STK31: variants seen among roughly 807,000 people sequenced by gnomAD.
The protein encoded by STK31 is serine/threonine-protein kinase 31.
Under a neutral mutation model 129.7 loss-of-function variants are expected in STK31, and 89 were observed. The observed-to-expected ratio is 0.69, with a 90% confidence interval of 0.58 to 0.82. The LOEUF (loss-of-function observed/expected upper bound fraction) is 0.82, where lower values mean the gene tolerates loss of function less well. STK31 is among the 40% of genes least tolerant of loss of function. The pLI is 0.00. For synonymous variants in STK31, 448 were observed against 395.3 expected (o/e 1.13, Z -1.58); for missense variants, 1,187 against 1,176.4 (o/e 1.01, Z -0.13).
chr7:23,789,632 T>C (rs1196539377), intron 21 of STK31, among the ~76,000 whole-genome samples: 3 of 152,148 alleles, frequency 2.0e-5, no homozygotes, highest in Non-Finnish European at 4.4e-5. Context: ...TACAGATTGA[T>C]TTTCTGAAAT....
chr7:23,757,598 C>G (rs1044899923), intron 10 of STK31, among the ~76,000 whole-genome samples: 10 of 152,166 alleles, frequency 6.6e-5, no homozygotes, highest in African/African-American at 2.4e-4. Context: ...CACCTCCAGC[C>G]TTAAGGTGGT....
chr7:23,757,218 C>G (rs1449783234), intron 10 of STK31, among the ~76,000 whole-genome samples: 1 of 151,944 alleles, frequency 6.6e-6, no homozygotes, highest in African/African-American at 2.4e-5. Flanking sequence ...GAAGGGGTGG[C>G]CAGCCCCTGC....
At chr7:23,789,108 C>G (rs1278739294) in intron 21 of STK31, among the ~76,000 whole-genome samples, 1 of 152,124 alleles carries the variant, frequency 6.6e-6, no homozygotes, top group African/African-American at 2.4e-5. Flanking sequence ...CAGAGTTCAT[C>G]CACGTTATTG....
At chr7:23,781,967 G>A (rs970920448) in intron 16 of STK31, among the ~76,000 whole-genome samples, 3 of 152,104 alleles carry the variant, frequency 2.0e-5, no homozygotes, top group East Asian at 1.9e-4. Context: ...CATTAATGGA[G>A]CACATAATTT....
chr7:23,755,040 G>T (rs1274705835), intron 10 of STK31: 1 of 152,130 alleles, frequency 6.6e-6, no homozygotes, highest in Admixed American at 6.6e-5. Flanking sequence ...GGGTCAAATG[G>T]TATTTCTGGT....
chr7:23,737,543 T>G (rs573595095), intron 8 of STK31, among the ~76,000 whole-genome samples: 30 of 152,350 alleles, frequency 2.0e-4, no homozygotes, highest in Non-Finnish European at 4.1e-4. Flanking sequence ...ATAATAATAC[T>G]ATTCATACTT....
intron 23 of STK31, among the ~76,000 whole-genome samples, chr7:23,825,235 T>A (rs1025637086): frequency 6.6e-6 from 1 of 152,196 alleles, no homozygotes; most frequent in South Asian, 2.1e-4. Context: ...TCCTGGACTT[T>A]TTTTGGTTGG....
chr7:23,719,472 T>C (rs1419439944), intron 4 of STK31, among the ~76,000 whole-genome samples: 1 of 152,108 alleles, frequency 6.6e-6, no homozygotes, highest in Non-Finnish European at 1.5e-5. Context: ...TCCACAAGTT[T>C]TCCAGATATA....
intron 22 of STK31, among the ~76,000 whole-genome samples, chr7:23,811,918 CATT>C (rs1161862296): frequency 6.6e-6 from 1 of 152,130 alleles, no homozygotes; most frequent in Admixed American, 6.5e-5. Context: ...TTTTAAATAT[CATT>C]GTCTTGAGTA....
At chr7:23,756,076 AT>A (rs886355259) in intron 10 of STK31, among the ~76,000 whole-genome samples, 9 of 152,164 alleles carry the variant, frequency 5.9e-5, no homozygotes, top group South Asian at 4.2e-4. Context: ...GTTCTATAAA[AT>A]TTTTTGGCCA....
chr7:23,753,631 G>A (rs949422144), intron 9 of STK31, among the ~76,000 whole-genome samples: 2 of 152,176 alleles, frequency 1.3e-5, no homozygotes, highest in African/African-American at 4.8e-5. Flanking sequence ...GTTATTGTTT[G>A]TTTTTGAACC....
chr7:23,746,337 C>T (rs1221165158), intron 8 of STK31, among the ~76,000 whole-genome samples: 1 of 152,092 alleles, frequency 6.6e-6, no homozygotes, highest in Non-Finnish European at 1.5e-5. Flanking sequence ...TCTCATTTAC[C>T]CCTTCTATGC....
At chr7:23,795,493 T>C (rs1004176750) in intron 22 of STK31, among the ~76,000 whole-genome samples, 16 of 149,622 alleles carry the variant, frequency 1.1e-4, no homozygotes, top group South Asian at 6.5e-4. Context: ...AAATGAGGGG[T>C]TGGGGCTCCC....
At chr7:23,760,663 A>G (rs1789408848) in intron 10 of STK31, among the ~76,000 whole-genome samples, 1 of 152,076 alleles carries the variant, frequency 6.6e-6, no homozygotes, top group Non-Finnish European at 1.5e-5. Context: ...AAATTAAAAA[A>G]TTACTCTTTT....
intron 23 of STK31, among the ~76,000 whole-genome samples, chr7:23,823,184 A>G (rs1303772090): frequency 7.2e-5 from 11 of 152,198 alleles, no homozygotes; most frequent in Admixed American, 2.0e-4. Context: ...CGACTTCCAC[A>G]ATGGTTGAAC....
At chr7:23,763,072 T>TA in intron 11 of STK31, 149 bp downstream of exon 11, 2 of 683,306 alleles carry the variant, frequency 2.9e-6, no homozygotes, top group Non-Finnish European at 4.5e-6. Context: ...TTAATGGGAT[T>TA]AAAAGTTTAT....
chr7:23,766,499 C>G (rs1046390773), intron 11 of STK31, among the ~76,000 whole-genome samples: 1 of 152,200 alleles, frequency 6.6e-6, no homozygotes. Flanking sequence ...AGTGATCCGC[C>G]TCTCTTGGCC....
At chr7:23,747,652 G>A (rs968760515) in intron 8 of STK31, among the ~76,000 whole-genome samples, 6 of 152,178 alleles carry the variant, frequency 3.9e-5, no homozygotes, top group Non-Finnish European at 5.9e-5. Flanking sequence ...ACAGGTGTGA[G>A]CCACCATGCC....
intron 22 of STK31, among the ~76,000 whole-genome samples, chr7:23,808,722 G>A (rs1792877697): frequency 6.6e-6 from 1 of 152,106 alleles, no homozygotes; most frequent in African/African-American, 2.4e-5. Context: ...CATGCTAGTG[G>A]AGGAAGCAAA....
Sources: allele counts gnomAD v4.1 joint callset (sites outside exome capture counted in the v4.1 genomes callset), GRCh38; gene constraint gnomAD v4.1.1; transcripts MANE v1.5; gene names NCBI Gene and HGNC (gene_info 2026-07-23, HGNC 2026-07-21).